PCDHA6: variants seen among roughly 807,000 people sequenced by gnomAD.
The protein encoded by PCDHA6 is protocadherin alpha 6, also known as protocadherin alpha-6.
In PCDHA6, 55 loss-of-function variants were observed where a neutral mutation model predicts 60.3. The ratio of observed to expected loss-of-function variants is 0.91; its 90% confidence interval spans 0.73 to 1.14. The LOEUF (loss-of-function observed/expected upper bound fraction) is 1.14, where lower values mean the gene tolerates loss of function less well. PCDHA6 is among the 50% of genes most tolerant of loss of function. The pLI is 0.00. For missense variants in PCDHA6, 1,327 were observed against 1,256.5 expected, an observed-to-expected ratio of 1.06 and a Z score of -0.85; for synonymous variants, 652 against 557.9, an observed-to-expected ratio of 1.17 and a Z score of -2.38.
chr5:140,830,335 G>C lies in PCDHA6; in HGVS notation c.2244G>C (p.Trp748Cys), dbSNP rs1236321619. 10 of 1,613,956 alleles carry C rather than the reference G, an allele frequency of 6.2e-6. No individual in the cohort carries two copies. The highest frequency in any genetic ancestry group is 3.4e-6 in the Non-Finnish European group (4 of 1,179,968). Residue 748 changes from tryptophan to cysteine, a missense_variant, in exon 1 of 4, where the codon TGG becomes TGC. Physicochemically the swap from Trp to Cys is radical, Grantham distance 215. Coordinates refer to ENST00000529310, the MANE Select transcript of PCDHA6 (RefSeq NM_018909.4). ...TLVCSSAVGS[W>C]SYSQQRRQRV... ...TGTGCTCCAGCGCAGTGGGGAGCTG[G>C]TCGTACTCGCAGCAGAGGCGGCAGA...
At chr5:140,961,108 C>T (rs1027018505) in intron 1 of PCDHA6, among the ~76,000 whole-genome samples, 1 of 152,174 alleles carries the variant, frequency 6.6e-6, no homozygotes, top group Non-Finnish European at 1.5e-5. Flanking sequence ...CACCCAACCC[C>T]CTTGCATCTT....
rs1237418954 is a variant in PCDHA6 at position 140,828,029 on chromosome 5, C to T, written c.-63C>T. On this transcript the variant is annotated 5_prime_UTR_variant, in exon 1 of 4. Coordinates refer to ENST00000529310, the MANE Select transcript of PCDHA6 (RefSeq NM_018909.4). Reference sequence around the variant, plus strand: ...AGAAATGGATTAATAAATTCCGGAACATACAGTATTTTATCTTTATGCGGA... The same window carrying T: ...AGAAATGGATTAATAAATTCCGGAATATACAGTATTTTATCTTTATGCGGA... The T allele has an allele frequency of 1.1e-5, 16 of 1,519,884 alleles. No individual in the cohort carries two copies. The highest frequency in any genetic ancestry group is 1.4e-5 in the Non-Finnish European group (16 of 1,133,576). 94.1% of individuals were successfully genotyped at this position (1,519,884 alleles called of 1,614,324 possible).
Position 140,936,624 on chromosome 5 carries a change from C to T in PCDHA6, c.2395-42325C>T, listed in dbSNP as rs186958884. On this transcript the variant is annotated intron_variant, in intron 1 of 3. Coordinates refer to ENST00000529310, the MANE Select transcript of PCDHA6 (RefSeq NM_018909.4). Reference sequence around the variant, plus strand: ...TCCTCGCTGCTACTGTGCAGTGCTACCTTTGTCATAAGCAACGTGACTTTA... The same window carrying T: ...TCCTCGCTGCTACTGTGCAGTGCTATCTTTGTCATAAGCAACGTGACTTTA... 2.3e-3 allele frequency among the ~76,000 whole-genome samples: 345 copies of T among 152,302 alleles called. 2 individuals are homozygous for T. Among genetic ancestry groups the T allele is most frequent in the South Asian group, 2.5e-3 (12 of 4,824 alleles).
At chr5:140,939,411 AT>A (rs797027145) in intron 1 of PCDHA6, among the ~76,000 whole-genome samples, 1 of 152,050 alleles carries the variant, frequency 6.6e-6, no homozygotes, top group East Asian at 1.9e-4. Context: ...GTAAATCAGC[AT>A]TTTTTTCTTC....
chr5:140,969,680 G>A (rs2096353475), intron 1 of PCDHA6, among the ~76,000 whole-genome samples: 1 of 152,204 alleles, frequency 6.6e-6, no homozygotes, highest in African/African-American at 2.4e-5. Context: ...TGAGACTCAA[G>A]GAGAAATGGC....
At chr5:140,999,795 T>C (rs1222111677) in intron 3 of PCDHA6, among the ~76,000 whole-genome samples, 3 of 152,224 alleles carry the variant, frequency 2.0e-5, no homozygotes, top group Non-Finnish European at 4.4e-5. Context: ...GGCAGAGTTA[T>C]TTTGGGCACA....
At chr5:140,841,961 G>A (rs1221561116) in intron 1 of PCDHA6, 1 of 1,613,790 alleles carries the variant, frequency 6.2e-7, no homozygotes, top group Non-Finnish European at 8.5e-7. Flanking sequence ...ATTCCTGACA[G>A]CCACAGATGG....
intron 1 of PCDHA6, chr5:140,876,038 G>A (rs2153335869): frequency 6.2e-7 from 1 of 1,613,822 alleles, no homozygotes; most frequent in East Asian, 2.2e-5. Context: ...AAAGATAAAA[G>A]TATATTGCCT....
intron 1 of PCDHA6, chr5:140,882,206 G>C: frequency 6.5e-7 from 1 of 1,531,252 alleles, no homozygotes; most frequent in Non-Finnish European, 8.8e-7. Context: ...TGGGCCTTGA[G>C]AGACAGTTTG....
At chr5:140,924,715 C>T (rs1258622619) in intron 1 of PCDHA6, among the ~76,000 whole-genome samples, 5 of 151,692 alleles carry the variant, frequency 3.3e-5, no homozygotes, top group African/African-American at 7.3e-5. Context: ...TGCAACATGG[C>T]GAAACCTCAC....
chr5:140,840,610 C>T (rs1488564002), intron 1 of PCDHA6, among the ~76,000 whole-genome samples: 1 of 151,912 alleles, frequency 6.6e-6, no homozygotes, highest in Admixed American at 6.6e-5. Context: ...AAGTGAGAGG[C>T]TGAATTTAAC....
chr5:140,848,591 C>A lies in PCDHA6; in HGVS notation c.2394+18106C>A. 1.9e-6 allele frequency: 3 copies of A among 1,594,690 alleles called. 1 individual carries two copies. Among genetic ancestry groups the A allele is most frequent in the Non-Finnish European group, 2.6e-6 (3 of 1,164,772 alleles). On this transcript the variant is annotated intron_variant, in intron 1 of 3. Coordinates refer to ENST00000529310, the MANE Select transcript of PCDHA6 (RefSeq NM_018909.4). ...GGGTGGTGGGGAGCGGCCAGCTCCACTACTCCGTCCCGGAGGAAGCCGAAC... is the reference window on the plus strand; with the variant it reads ...GGGTGGTGGGGAGCGGCCAGCTCCAATACTCCGTCCCGGAGGAAGCCGAAC...
intron 1 of PCDHA6, chr5:140,966,972 T>A (rs1554229007): frequency 6.2e-7 from 1 of 1,602,946 alleles, no homozygotes; most frequent in Non-Finnish European, 8.5e-7. Flanking sequence ...GGGCTTGAGC[T>A]GCGGCGCTTG....
chr5:140,920,511 A>G (rs564811520), intron 1 of PCDHA6, among the ~76,000 whole-genome samples: 1 of 152,284 alleles, frequency 6.6e-6, no homozygotes, highest in East Asian at 1.9e-4. Flanking sequence ...ATACTGTTTT[A>G]TGCAATTCGT....
At chr5:140,892,504 G>A (rs2063551551) in intron 1 of PCDHA6, among the ~76,000 whole-genome samples, 1 of 152,176 alleles carries the variant, frequency 6.6e-6, no homozygotes, top group Non-Finnish European at 1.5e-5. Context: ...TGTTTAAGAA[G>A]TTCCACCATG....
At chr5:140,883,655 T>A (rs782178754) in intron 1 of PCDHA6, 7 of 1,613,000 alleles carry the variant, frequency 4.3e-6, no homozygotes, top group African/African-American at 1.3e-5. Context: ...GTACACGGTG[T>A]TCGTGAAGGA....
intron 1 of PCDHA6, chr5:140,870,351 C>G (rs958022470): frequency 2.5e-6 from 4 of 1,614,202 alleles, no homozygotes; most frequent in Non-Finnish European, 3.4e-6. Context: ...ACCGCGAGAA[C>G]GTGTGGGCCT....
intron 1 of PCDHA6, chr5:140,881,399 T>C (rs2058702396): frequency 1.0e-6 from 1 of 975,460 alleles, no homozygotes; most frequent in Non-Finnish European, 1.2e-6. Flanking sequence ...TTAAATTCTA[T>C]TAAATCAATA....
rs75101825 is a variant in PCDHA6, at chr5:140,914,430, C to A, written c.2395-64519C>A. On this transcript the variant is annotated intron_variant, in intron 1 of 3. Coordinates refer to ENST00000529310, the MANE Select transcript of PCDHA6 (RefSeq NM_018909.4). ...TTTTGTTTCCATTAGCAAGGAATAT[C>A]TTTTCCCATGTCTTTATTTTCCAGT... Among the ~76,000 whole-genome samples the A allele has an allele frequency of 8.0e-3, 1,215 of 152,204 alleles. 6 individuals carry two copies. Among genetic ancestry groups the A allele is most frequent in the African/African-American group, 0.019 (784 of 41,536 alleles).
Sources: gnomAD v4.1 joint callset for allele counts (sites outside exome capture counted in the v4.1 genomes callset) on GRCh38, gnomAD v4.1.1 for gene constraint, MANE v1.5 for transcripts, NCBI Gene and HGNC (gene_info 2026-07-23, HGNC 2026-07-21) for gene names.